Variants in EPHA3 observed in about 807,000 individuals in gnomAD.
EPHA3 encodes EPH receptor A3, also known as ephrin type-A receptor 3.
A neutral mutation model predicts 107.1 loss-of-function variants in EPHA3; 42 were observed. That is an observed-to-expected ratio of 0.39 (90% CI 0.31 to 0.51). EPHA3 has a LOEUF of 0.51. Ranked by LOEUF, EPHA3 falls within the 20% of genes least tolerant of loss-of-function variation. The pLI is 0.78. For synonymous variants in EPHA3, 461 were observed against 424.8 expected, an observed-to-expected ratio of 1.09 and a Z score of -1.05; for missense variants, 1,183 against 1,211.2, an observed-to-expected ratio of 0.98 and a Z score of 0.35.
chr3:89,434,606 A>G (rs1164432378), intron 13 of EPHA3, among the ~76,000 whole-genome samples: 2 of 152,210 alleles, frequency 1.3e-5, no homozygotes, highest in African/African-American at 4.8e-5. Context: ...CTCTGGCAGG[A>G]ATTGGAAACA....
intron 13 of EPHA3, among the ~76,000 whole-genome samples, chr3:89,447,242 A>G (rs1709893192): frequency 3.3e-5 from 5 of 152,018 alleles, no homozygotes; most frequent in Admixed American, 3.3e-4. Flanking sequence ...CTCCAATTTC[A>G]TTTGTTTTAC....
chr3:89,228,511 A>C (rs1005449395), intron 3 of EPHA3, among the ~76,000 whole-genome samples: 6 of 151,960 alleles, frequency 3.9e-5, no homozygotes, highest in African/African-American at 1.4e-4. Flanking sequence ...TTTACATAAA[A>C]ATTTTGTGTG....
At chr3:89,220,940 A>G (rs765509911) in intron 3 of EPHA3, among the ~76,000 whole-genome samples, 30 of 152,208 alleles carry the variant, frequency 2.0e-4, no homozygotes, top group Non-Finnish European at 4.1e-4. Context: ...TCTCAACAAC[A>G]TATGAGCTTG....
At chr3:89,395,247 ATTG>A (rs992363381) in intron 5 of EPHA3, among the ~76,000 whole-genome samples, 1 of 152,168 alleles carries the variant, frequency 6.6e-6, no homozygotes, top group African/African-American at 2.4e-5. Context: ...ACAAAAGAAG[ATTG>A]TTGTTCCTTT....
intron 1 of EPHA3, among the ~76,000 whole-genome samples, chr3:89,113,028 G>A (rs1209917848): frequency 1.3e-5 from 2 of 152,080 alleles, no homozygotes; most frequent in African/African-American, 2.4e-5. Context: ...TCTGTTTTCA[G>A]AGATCTGGAT....
intron 3 of EPHA3, among the ~76,000 whole-genome samples, chr3:89,296,780 A>C (rs1706364436): frequency 6.6e-6 from 1 of 152,184 alleles, no homozygotes; most frequent in African/African-American, 2.4e-5. Flanking sequence ...TTTTCTTCAA[A>C]TATAAGACTA....
At chr3:89,273,001 C>T (rs567081960) in intron 3 of EPHA3, among the ~76,000 whole-genome samples, 30 of 151,940 alleles carry the variant, frequency 2.0e-4, no homozygotes, top group African/African-American at 7.0e-4. Context: ...GGTTAAGTGA[C>T]TATTAAAGGA....
At chr3:89,136,329 G>GGT (rs1559747476) in intron 2 of EPHA3, among the ~76,000 whole-genome samples, 1 of 23,870 alleles carries the variant, frequency 4.2e-5, no homozygotes, top group African/African-American at 1.9e-4. Context: ...AATCTTACAG[G>GGT]CTTTTTTTTT....
rs112239794 is a variant in EPHA3, at chr3:89,395,855, C to T, written c.1325C>T (p.Thr442Met). The T allele has an allele frequency of 8.0e-5, 129 of 1,613,982 alleles. 1 individual carries two copies. The African/African-American group carries it at 1.1e-3, about 13-fold the overall frequency. ...TTTACAGCTCCATCACCTGTCCTGA[C>T]GATTAAGAAAGATCGGACCTCCAGA... ...TNQAAPSPVL[T>M]IKKDRTSRNS... is the part of the protein sequence containing the mutation. Residue 442 changes from threonine to methionine, a missense_variant, in exon 6 of 17, where the codon ACG becomes ATG. Physicochemically the swap from Thr to Met is moderately conservative, Grantham distance 81 (BLOSUM62 -1). Coordinates refer to ENST00000336596, the MANE Select transcript of EPHA3 (RefSeq NM_005233.6).
At chr3:89,337,417 T>A (rs1159563179) in intron 3 of EPHA3, among the ~76,000 whole-genome samples, 1 of 152,236 alleles carries the variant, frequency 6.6e-6, no homozygotes, top group Non-Finnish European at 1.5e-5. Context: ...ATACACAGAC[T>A]GATACCTACA....
chr3:89,121,746 AC>A (rs1707392456), intron 1 of EPHA3, among the ~76,000 whole-genome samples: 2 of 84,480 alleles, frequency 2.4e-5, no homozygotes, highest in South Asian at 5.3e-4. Flanking sequence ...ACACAGGGAG[AC>A]CCCGTCTCAA....
intron 2 of EPHA3, among the ~76,000 whole-genome samples, chr3:89,184,260 T>A (rs1278508579): frequency 6.6e-6 from 1 of 151,984 alleles, no homozygotes; most frequent in African/African-American, 2.4e-5. Flanking sequence ...TGTGTAGAAG[T>A]AGTTGAATGG....
At chr3:89,229,286 CT>C (rs1336017503) in intron 3 of EPHA3, among the ~76,000 whole-genome samples, 5 of 151,848 alleles carry the variant, frequency 3.3e-5, no homozygotes, top group Non-Finnish European at 7.4e-5. Flanking sequence ...TGATAAATTA[CT>C]CTGTAATTTA....
chr3:89,185,843 G>A (rs1234394675), intron 2 of EPHA3, among the ~76,000 whole-genome samples: 2 of 152,078 alleles, frequency 1.3e-5, no homozygotes, highest in Non-Finnish European at 2.9e-5. Context: ...AGGATTTAGA[G>A]GGATAAATGG....
rs570346631 is a variant in EPHA3 at position 89,419,232 on chromosome 3, G to A, written c.1916G>A (p.Arg639His). The change falls in exon 11 of 17, where the codon CGC (arginine) becomes CAC (histidine). Residue 639 changes from arginine (R) to histidine (H), a missense_variant. Coordinates refer to ENST00000336596, the MANE Select transcript of EPHA3 (RefSeq NM_005233.6). ...GAATTTGGAGAGGTGTGCAGTGGTC[G>A]CTTAAAACTTCCTTCAAAAAAAGAG... ...AGEFGEVCSG[R>H]LKLPSKKEIS... 15 of 1,608,822 alleles carry A rather than the reference G, an allele frequency of 9.3e-6. No individual in the cohort carries two copies. The highest frequency in any genetic ancestry group is 6.7e-5 in the African/African-American group (5 of 74,562).
At chr3:89,435,564 T>C (rs1709650881) in intron 13 of EPHA3, among the ~76,000 whole-genome samples, 1 of 145,748 alleles carries the variant, frequency 6.9e-6, no homozygotes, top group Non-Finnish European at 1.5e-5. Context: ...ATATACTATA[T>C]AGTATATATA....
chr3:89,325,327 A>T (rs1008507627), intron 3 of EPHA3, among the ~76,000 whole-genome samples: 1 of 152,122 alleles, frequency 6.6e-6, no homozygotes, highest in African/African-American at 2.4e-5. Flanking sequence ...TCTTATTTAG[A>T]TTATTTCAGT....
chr3:89,404,936 G>A (rs1357090712), intron 7 of EPHA3, among the ~76,000 whole-genome samples: 2 of 152,040 alleles, frequency 1.3e-5, no homozygotes, highest in Admixed American at 6.6e-5. Context: ...TGTTTATGGA[G>A]CATTTTTGAA....
At chr3:89,238,599 T>C (rs1264397458) in intron 3 of EPHA3, among the ~76,000 whole-genome samples, 1 of 152,198 alleles carries the variant, frequency 6.6e-6, no homozygotes, top group Non-Finnish European at 1.5e-5. Flanking sequence ...CATTTTACTG[T>C]TTTTAAAATG....
Sources: gnomAD v4.1 joint callset for allele counts (sites outside exome capture counted in the v4.1 genomes callset) on GRCh38, gnomAD v4.1.1 for gene constraint, MANE v1.5 for transcripts, NCBI Gene and HGNC (gene_info 2026-07-23, HGNC 2026-07-21) for gene names.